Variants in EGFR observed in about 807,000 individuals in gnomAD.
EGFR encodes the protein avian erythroblastic leukemia viral (v-erb-b) oncogene homolog.
EGFR carries 58 observed loss-of-function variants against 143.0 expected under a neutral mutation model. The observed-to-expected ratio is 0.41, with a 90% confidence interval of 0.33 to 0.50. The LOEUF (loss-of-function observed/expected upper bound fraction) is 0.50. Among genes scored for constraint, EGFR ranks in the 20% least tolerant of loss-of-function variants. The pLI is 0.39. For synonymous variants in EGFR, 613 were observed against 594.4 expected (o/e 1.03, Z -0.45); for missense variants, 1,307 against 1,579.0 (o/e 0.83, Z 2.92).
In EGFR at chr7:55,140,771, G is replaced by C. The variant is rs117179604; in HGVS notation, c.89-1515G>C. ...GGACTCCATCTTGTCAACTGTCATG[G>C]TTCCCATGTGAAAGCTATCATTATC... On this transcript the variant is annotated intron_variant, in intron 1 of 27. Coordinates refer to ENST00000275493, the MANE Select transcript of EGFR (RefSeq NM_005228.5). 8.3e-4 allele frequency among the ~76,000 whole-genome samples: 127 copies of C among 152,314 alleles called. 4 individuals carry two copies. In the East Asian group the frequency reaches 0.021, roughly 26 times the overall value.
At position 55,207,359 on chromosome 7, in the gene EGFR, A is replaced by G. The variant is rs1010012364; in HGVS notation, c.*1742A>G. Reference sequence around the variant, plus strand: ...CTCTATTATGCTCTCAAATACCCCTAAGCATCTATACTAGCCTGGTATGGG... The same window carrying G: ...CTCTATTATGCTCTCAAATACCCCTGAGCATCTATACTAGCCTGGTATGGG... On this transcript the variant is annotated 3_prime_UTR_variant, in exon 28 of 28. Coordinates refer to ENST00000275493, the MANE Select transcript of EGFR (RefSeq NM_005228.5). 1 of 226,550 alleles carries G rather than the reference A, an allele frequency of 4.4e-6. No homozygotes were observed. The highest frequency in any genetic ancestry group is 5.7e-5 in the Admixed American group (1 of 17,586). The allele number at this position is 226,550 out of a possible 1,614,324, so 14.0% of individuals were successfully genotyped here.
In EGFR at chr7:55,172,967, C is replaced by T; in HGVS notation, c.1920-16C>T. 1 of 1,614,192 alleles carries T rather than the reference C, an allele frequency of 6.2e-7. No individual in the cohort carries two copies. ...TCAGCAACCTCACCCTTCCTTGTTC[C>T]TCCACCTCATTCCAGGCCTAAGATC... On this transcript the variant is annotated splice_polypyrimidine_tract_variant and intron_variant, in intron 16 of 27. Transcript: ENST00000275493.
intron 1 of EGFR, among the ~76,000 whole-genome samples, chr7:55,131,604 C>T (rs1317719831): frequency 3.9e-5 from 6 of 152,224 alleles, no homozygotes; most frequent in African/African-American, 1.2e-4. Context: ...CCCTCGGACA[C>T]TCCCTCTCGA....
intron 1 of EGFR, among the ~76,000 whole-genome samples, chr7:55,098,785 G>A (rs1359766297): frequency 2.0e-5 from 3 of 152,220 alleles, no homozygotes; most frequent in Non-Finnish European, 2.9e-5. Context: ...TGTGATTCAA[G>A]GCTTCAGTTT....
chr7:55,067,736 G>A (rs958314045), intron 1 of EGFR, among the ~76,000 whole-genome samples: 3 of 151,276 alleles, frequency 2.0e-5, no homozygotes, highest in Non-Finnish European at 4.4e-5. Context: ...TCATATGCAC[G>A]TACATTGTAT....
intron 1 of EGFR, among the ~76,000 whole-genome samples, chr7:55,046,102 A>G (rs1306130071): frequency 6.6e-6 from 1 of 152,278 alleles, no homozygotes; most frequent in East Asian, 1.9e-4. Context: ...TGCATCTCGT[A>G]TTACATTTCT....
chr7:55,174,231 G>A (rs1241191969), intron 18 of EGFR, among the ~76,000 whole-genome samples, 188 bp downstream of exon 18: 1 of 152,230 alleles, frequency 6.6e-6, no homozygotes, highest in East Asian at 1.9e-4. Context: ...ACAGTAATCA[G>A]TGGTCCTGTG....
chr7:55,172,141 T>C (rs771517966), intron 16 of EGFR, among the ~76,000 whole-genome samples: 5 of 152,206 alleles, frequency 3.3e-5, no homozygotes, highest in Non-Finnish European at 5.9e-5. Flanking sequence ...CTTTCCACCA[T>C]GTCTCCACCT....
intron 21 of EGFR, among the ~76,000 whole-genome samples, chr7:55,192,147 C>G (rs17337324): frequency 8.1e-4 from 123 of 152,242 alleles, no homozygotes; most frequent in Admixed American, 5.3e-3. Flanking sequence ...TCTCTCCCTG[C>G]AGGATATATA....
rs546535772 is a variant in EGFR at position 55,207,004 on chromosome 7, A to G, written c.*1387A>G. On this transcript the variant is annotated 3_prime_UTR_variant, in exon 28 of 28. Transcript: ENST00000275493. Reference sequence around the variant, plus strand: ...AGTTCCTTCCTAAAATAATTTCTCTACAATTGGAAGATTGGAAGATTCAGC... The same window carrying G: ...AGTTCCTTCCTAAAATAATTTCTCTGCAATTGGAAGATTGGAAGATTCAGC... 17 of 233,026 alleles carry G rather than the reference A, an allele frequency of 7.3e-5. No individual in the cohort carries two copies. Among genetic ancestry groups the G allele is most frequent in the Non-Finnish European group, 1.4e-4 (17 of 117,970 alleles). 14.4% of individuals were successfully genotyped at this position (233,026 alleles called of 1,614,324 possible). A position where few individuals can be genotyped will look rare whatever the true frequency, so the allele number is the denominator to read the frequency against.
At chr7:55,181,743 T>A in intron 20 of EGFR, 1 of 537,094 alleles carries the variant, frequency 1.9e-6, no homozygotes, top group Non-Finnish European at 3.4e-6. Context: ...TGGTCTGATG[T>A]CTCTGTTCTT....
At chr7:55,075,089 G>A (rs576940863) in intron 1 of EGFR, among the ~76,000 whole-genome samples, 4 of 152,238 alleles carry the variant, frequency 2.6e-5, no homozygotes, top group Admixed American at 2.6e-4. Context: ...AGGGTGTGTA[G>A]GTAGCCCAGA....
intron 1 of EGFR, among the ~76,000 whole-genome samples, chr7:55,049,746 C>CA (rs1021334812): frequency 5.9e-5 from 9 of 152,142 alleles, no homozygotes; most frequent in African/African-American, 1.9e-4. Context: ...TAAACTCAAG[C>CA]AAAATCTAGA....
intron 19 of EGFR, among the ~76,000 whole-genome samples, chr7:55,176,379 G>A (rs1460729958): frequency 6.6e-6 from 1 of 152,160 alleles, no homozygotes; most frequent in African/African-American, 2.4e-5. Context: ...AAATGGGGTA[G>A]AAGATAGATA....
intron 1 of EGFR, among the ~76,000 whole-genome samples, chr7:55,042,273 T>G (rs1787939835): frequency 6.6e-6 from 1 of 152,198 alleles, no homozygotes; most frequent in African/African-American, 2.4e-5. Flanking sequence ...GTCAGTTTGC[T>G]CCACACATGT....
chr7:55,056,008 G>A (rs1383279262), intron 1 of EGFR, among the ~76,000 whole-genome samples: 1 of 152,066 alleles, frequency 6.6e-6, no homozygotes, highest in Non-Finnish European at 1.5e-5. Context: ...TTCCAGCTCT[G>A]AGAGTGCATT....
At chr7:55,102,433 T>C (rs1791886001) in intron 1 of EGFR, among the ~76,000 whole-genome samples, 1 of 152,196 alleles carries the variant, frequency 6.6e-6, no homozygotes, top group Non-Finnish European at 1.5e-5. Context: ...AACTCAACTC[T>C]GCTTTAAAAG....
chr7:55,159,738 A>G (rs1279657480), intron 11 of EGFR, among the ~76,000 whole-genome samples: 1 of 152,248 alleles, frequency 6.6e-6, no homozygotes, highest in African/African-American at 2.4e-5. Flanking sequence ...TGTTTGTTCA[A>G]TAAATATATG....
At chr7:55,048,547 T>C (rs1388890078) in intron 1 of EGFR, among the ~76,000 whole-genome samples, 2 of 152,218 alleles carry the variant, frequency 1.3e-5, no homozygotes, top group Non-Finnish European at 2.9e-5. Flanking sequence ...AGTAGCCAAT[T>C]GAATATATTG....
Sources: allele counts gnomAD v4.1 joint callset (sites outside exome capture counted in the v4.1 genomes callset), GRCh38; gene constraint gnomAD v4.1.1; transcripts MANE v1.5; gene names NCBI Gene and HGNC (gene_info 2026-07-23, HGNC 2026-07-21).